NRXN3: variants seen among roughly 807,000 people sequenced by gnomAD.
The protein encoded by NRXN3 is neurexin III.
A neutral mutation model predicts 137.6 loss-of-function variants in NRXN3; 32 were observed. The ratio of observed to expected loss-of-function variants is 0.23; its 90% CI spans 0.18 to 0.31. The LOEUF (loss-of-function observed/expected upper bound fraction) is 0.31, where lower values mean the gene tolerates loss of function less well. Ranked by LOEUF, NRXN3 falls within the 10% of genes least tolerant of loss-of-function variation. The probability of loss-of-function intolerance (pLI) is 1.00; values close to 1 mark genes in which losing one functional copy is unlikely to be tolerated. For missense variants in NRXN3, 1,574 were observed against 2,062.5 expected, an observed-to-expected ratio of 0.76 and a Z score of 4.59; for synonymous variants, 798 against 784.5, an observed-to-expected ratio of 1.02 and a Z score of -0.29.
At chr14:78,487,183 A>G (rs762121262) in intron 4 of NRXN3, among the ~76,000 whole-genome samples, 3 of 152,166 alleles carry the variant, frequency 2.0e-5, no homozygotes, top group Non-Finnish European at 4.4e-5. Context: ...TTAGTTTCTC[A>G]GATGACTTTT....
At chr14:78,278,540 A>T (rs1397569698) in intron 2 of NRXN3, 105 bp from the exon 3 acceptor site, 1 of 884,978 alleles carries the variant, frequency 1.1e-6, no homozygotes, top group Non-Finnish European at 1.8e-6. Flanking sequence ...TAGTCATGCA[A>T]GAGCACATTG....
intron 16 of NRXN3, among the ~76,000 whole-genome samples, chr14:79,479,923 A>C (rs565634184): frequency 1.3e-5 from 2 of 152,294 alleles, no homozygotes; most frequent in South Asian, 4.1e-4. Context: ...TGTATCAAAG[A>C]AAAGATTATT....
At chr14:78,818,118 A>AT (rs2098939739) in intron 10 of NRXN3, among the ~76,000 whole-genome samples, 1 of 151,606 alleles carries the variant, frequency 6.6e-6, no homozygotes, top group African/African-American at 2.4e-5. Context: ...GAACTGCTGT[A>AT]TTATGTTAAA....
chr14:78,558,263 C>G (rs1172388171), intron 4 of NRXN3, among the ~76,000 whole-genome samples: 1 of 152,332 alleles, frequency 6.6e-6, no homozygotes, highest in East Asian at 1.9e-4. Context: ...CCCCTTCCAA[C>G]AGCTTCATGA....
Position 78,346,169 on chromosome 14 carries a change from C to G in NRXN3, c.757+48309C>G, listed in dbSNP as rs17755722. ...ATCTTCTGATGCATGATTCTCCCAG[C>G]AACCAGAAGGCCCTACAACCTCTGG... On this transcript the variant is annotated intron_variant, in intron 4 of 20. Transcript: ENST00000335750. Among the ~76,000 whole-genome samples, 1,005 of 152,294 alleles carry G rather than the reference C, an allele frequency of 6.6e-3. 9 individuals carry two copies. Among genetic ancestry groups the G allele is most frequent in the Middle Eastern group, 0.01 (3 of 294 alleles).
At chr14:78,919,017 A>G (rs1380750485) in intron 10 of NRXN3, among the ~76,000 whole-genome samples, 1 of 152,228 alleles carries the variant, frequency 6.6e-6, no homozygotes, top group African/African-American at 2.4e-5. Flanking sequence ...AAGAGAAAGC[A>G]TGTGATCCCA....
At chr14:78,952,176 A>G (rs1413306054) in intron 10 of NRXN3, among the ~76,000 whole-genome samples, 5 of 152,198 alleles carry the variant, frequency 3.3e-5, no homozygotes, top group Admixed American at 3.3e-4. Flanking sequence ...TAAGAATGAA[A>G]TGAACTATTT....
intron 16 of NRXN3, among the ~76,000 whole-genome samples, chr14:79,609,595 G>C (rs2098072760): frequency 6.6e-6 from 1 of 152,088 alleles, no homozygotes; most frequent in South Asian, 2.1e-4. Context: ...AGGTAATAAA[G>C]ACTGATTATT....
chr14:78,945,899 T>C (rs2099364189), intron 10 of NRXN3, among the ~76,000 whole-genome samples: 1 of 152,208 alleles, frequency 6.6e-6, no homozygotes, highest in Non-Finnish European at 1.5e-5. Context: ...AGCAGAGCCA[T>C]GTGGTGGCCC....
intron 4 of NRXN3, among the ~76,000 whole-genome samples, chr14:78,509,282 G>C (rs1188589591): frequency 6.6e-6 from 1 of 152,148 alleles, no homozygotes; most frequent in Admixed American, 6.5e-5. Flanking sequence ...CTGGGCAACA[G>C]AGCGAGACCC....
At chr14:78,345,475 T>G (rs2082620362) in intron 4 of NRXN3, among the ~76,000 whole-genome samples, 1 of 152,162 alleles carries the variant, frequency 6.6e-6, no homozygotes, top group Non-Finnish European at 1.5e-5. Context: ...ATTAATGATT[T>G]GTGTTAAGTG....
intron 16 of NRXN3, among the ~76,000 whole-genome samples, chr14:79,500,376 A>G (rs565013157): frequency 7.9e-5 from 12 of 152,284 alleles, no homozygotes; most frequent in African/African-American, 2.4e-4. Flanking sequence ...AGCGAGGGAT[A>G]CTGAAAAAGA....
At chr14:78,636,837 T>TTTTTTTA (rs888073533) in intron 4 of NRXN3, among the ~76,000 whole-genome samples, 1 of 140,204 alleles carries the variant, frequency 7.1e-6, no homozygotes, top group African/African-American at 2.6e-5. Flanking sequence ...TTATTTTTTA[T>TTTTTTTA]TTTTTTAGCA....
At chr14:79,296,500 T>A (rs954686311) in intron 15 of NRXN3, among the ~76,000 whole-genome samples, 5 of 151,468 alleles carry the variant, frequency 3.3e-5, no homozygotes, top group Non-Finnish European at 7.4e-5. Context: ...TGCTGAGTTA[T>A]GGGCTTGTAG....
At position 78,956,962 on chromosome 14, in the gene NRXN3, C is replaced by T. The variant is rs31364; in HGVS notation, c.2276-280C>T. ...AACTACAGCTTCCTGTAAATGATTGCTTACTGCCATTGGCATTTGAAAACC... is the reference window on the plus strand; with the variant it reads ...AACTACAGCTTCCTGTAAATGATTGTTTACTGCCATTGGCATTTGAAAACC... On this transcript the variant is annotated intron_variant, in intron 10 of 20. Coordinates refer to ENST00000335750, the MANE Select transcript of NRXN3 (RefSeq NM_001330195.2). Among the ~76,000 whole-genome samples the T allele has an allele frequency of 1.0e-2, 1,517 of 152,276 alleles. 21 individuals are homozygous for T. The highest frequency in any genetic ancestry group is 0.035 in the African/African-American group (1,451 of 41,548).
intron 15 of NRXN3, among the ~76,000 whole-genome samples, chr14:79,121,697 G>A (rs1176037163): frequency 6.6e-6 from 1 of 152,224 alleles, no homozygotes; most frequent in African/African-American, 2.4e-5. Context: ...AAGAACTCAT[G>A]AGATTGGTCA....
intron 15 of NRXN3, among the ~76,000 whole-genome samples, chr14:79,224,619 T>C (rs1304801498): frequency 1.3e-5 from 2 of 152,138 alleles, no homozygotes; most frequent in Non-Finnish European, 2.9e-5. Flanking sequence ...AAAATTCATG[T>C]CCTTCCTGGA....
intron 15 of NRXN3, among the ~76,000 whole-genome samples, chr14:79,124,692 A>C (rs1342440336): frequency 6.6e-6 from 1 of 152,188 alleles, no homozygotes; most frequent in Admixed American, 6.5e-5. Flanking sequence ...TGATCACCTT[A>C]ACATGTTTTC....
At chr14:79,390,762 G>A (rs1374467970) in intron 15 of NRXN3, among the ~76,000 whole-genome samples, 3 of 152,104 alleles carry the variant, frequency 2.0e-5, no homozygotes, top group African/African-American at 4.8e-5. Flanking sequence ...TGAGTGCTGT[G>A]GTTTGAATGT....
Sources: gnomAD v4.1 joint callset for allele counts (sites outside exome capture counted in the v4.1 genomes callset) on GRCh38, gnomAD v4.1.1 for gene constraint, MANE v1.5 for transcripts, NCBI Gene and HGNC (gene_info 2026-07-23, HGNC 2026-07-21) for gene names.